MYO16: variants seen among roughly 807,000 people sequenced by gnomAD.
The protein encoded by MYO16 is unconventional myosin-XVI.
MYO16 carries 94 observed loss-of-function variants against 205.3 expected under a neutral mutation model. The observed-to-expected ratio is 0.46, with a 90% confidence interval of 0.39 to 0.54. The LOEUF is 0.54. Ranked by LOEUF, MYO16 falls within the 20% of genes least tolerant of loss-of-function variation. MYO16 has a pLI of 0.00. For synonymous variants in MYO16, 988 were observed against 954.0 expected, an observed-to-expected ratio of 1.04 and a Z score of -0.66; for missense variants, 2,315 against 2,387.5, an observed-to-expected ratio of 0.97 and a Z score of 0.63.
At chr13:109,028,137 A>G (rs1886423836) in intron 23 of MYO16, among the ~76,000 whole-genome samples, 3 of 152,004 alleles carry the variant, frequency 2.0e-5, no homozygotes, top group Admixed American at 2.0e-4. Flanking sequence ...CTCCCATTAT[A>G]TTACAGTATT....
intron 4 of MYO16, among the ~76,000 whole-genome samples, chr13:108,741,269 T>A (rs1884900911): frequency 6.6e-6 from 1 of 152,198 alleles, no homozygotes; most frequent in Non-Finnish European, 1.5e-5. Flanking sequence ...TTTGGCCATC[T>A]TGGAACCACC....
At chr13:109,190,988 G>A (rs1879888185) in intron 34 of MYO16, among the ~76,000 whole-genome samples, 1 of 152,106 alleles carries the variant, frequency 6.6e-6, no homozygotes, top group Admixed American at 6.5e-5. Flanking sequence ...GGAGGCTGAG[G>A]CGGGCGGATC....
intron 14 of MYO16, among the ~76,000 whole-genome samples, chr13:108,897,187 G>A (rs575806452): frequency 1.7e-4 from 26 of 152,212 alleles, no homozygotes; most frequent in African/African-American, 6.3e-4. Context: ...TAACTATCAT[G>A]CAAGAGATAC....
chr13:109,154,733 C>T (rs956308370), intron 32 of MYO16, among the ~76,000 whole-genome samples: 22 of 151,812 alleles, frequency 1.4e-4, no homozygotes, highest in African/African-American at 4.8e-4. Context: ...ACACCGACCG[C>T]GTACTTGGCC....
intron 16 of MYO16, among the ~76,000 whole-genome samples, chr13:108,921,635 T>A (rs946059506): frequency 2.6e-5 from 4 of 152,206 alleles, no homozygotes; most frequent in Admixed American, 6.5e-5. Context: ...AATCGAATCT[T>A]CCATGACTGC....
Position 109,102,464 on chromosome 13 carries a change from A to ATATATG in MYO16, c.3438+1587_3438+1592dup, listed in dbSNP as rs1288572095. Among the ~76,000 whole-genome samples the ATATATG allele has an allele frequency of 1.2e-4, 17 of 143,196 alleles. No homozygotes were observed. The South Asian group carries it at 3.7e-3, about 31-fold the overall frequency. The allele number at this position is 143,196 out of a possible 152,430, so 93.9% of individuals were successfully genotyped here. ...AGACTACTTACAGATAATGATATACATATATGTATATGTATGTGTATATAT... is the reference window on the plus strand; with the variant it reads ...AGACTACTTACAGATAATGATATACATATATGTATATGTATATGTATGTGTATATAT... On this transcript the variant is annotated intron_variant, in intron 28 of 34. Coordinates refer to ENST00000457511, the MANE Select transcript of MYO16 (RefSeq NM_001198950.3).
intron 20 of MYO16, among the ~76,000 whole-genome samples, chr13:108,988,706 C>T (rs1168998513): frequency 6.6e-6 from 1 of 152,154 alleles, no homozygotes; most frequent in Non-Finnish European, 1.5e-5. Flanking sequence ...TGTCACTGAT[C>T]TCTGCTGCTC....
Position 108,820,385 on chromosome 13 carries a change from G to T in MYO16, c.916G>T (p.Val306Leu). Residue 306 changes from valine to leucine, a missense_variant, in exon 8 of 35, where the codon GTG (valine) becomes TTG (leucine). By Grantham distance (32) the Val-to-Leu change is conservative. Coordinates refer to ENST00000457511, the MANE Select transcript of MYO16 (RefSeq NM_001198950.3). ...GATGCATCAGGCAAACCCACACCTCGTGAACTGTAATGAGGAGAAGGCGTC... is the reference window on the plus strand; with the variant it reads ...GATGCATCAGGCAAACCCACACCTCTTGAACTGTAATGAGGAGAAGGCGTC... Reference protein sequence around the residue: ...LLMHQANPHLVNCNEEKASDI... With the variant: ...LLMHQANPHLLNCNEEKASDI... 1.9e-6 allele frequency: 3 copies of T among 1,606,730 alleles called. No individual in the cohort carries two copies. Among genetic ancestry groups the T allele is most frequent in the Non-Finnish European group, 2.6e-6 (3 of 1,176,294 alleles).
At chr13:108,498,214 G>A in the MYO16 span, among the ~76,000 whole-genome samples, 1 of 152,176 alleles carries the variant, frequency 6.6e-6, no homozygotes, top group Non-Finnish European at 1.5e-5. Context: ...AAAAACACAT[G>A]TTCATAGAAC....
chr13:109,092,966 A>G (rs572074796), intron 27 of MYO16, among the ~76,000 whole-genome samples: 11 of 152,310 alleles, frequency 7.2e-5, no homozygotes, highest in African/African-American at 2.6e-4. Context: ...TCCAAAATGA[A>G]GACTATCTAT....
In MYO16 at chr13:108,752,808, AT is replaced by A. The variant is rs58645882; in HGVS notation, c.507+25250del. Reference sequence around the variant, plus strand: ...AGACACCTGCCACCGTGCCCAGCTAATTTTTTTTTTTTTTTTTTTTTTTTTA... The same window carrying A: ...AGACACCTGCCACCGTGCCCAGCTAATTTTTTTTTTTTTTTTTTTTTTTTA... On this transcript the variant is annotated intron_variant, in intron 4 of 34. Transcript: ENST00000457511. 6.4e-4 allele frequency among the ~76,000 whole-genome samples: 58 copies of A among 90,584 alleles called. 2 individuals carry two copies. The East Asian group carries it at 0.012, about 19-fold the overall frequency. 59.4% of individuals were successfully genotyped at this position (90,584 alleles called of 152,430 possible).
chr13:108,644,362 G>GTCTGTCTC (rs1162945930), intron 1 of MYO16, among the ~76,000 whole-genome samples: 8 of 148,118 alleles, frequency 5.4e-5, no homozygotes, highest in African/African-American at 2.0e-4. Flanking sequence ...CTGTCTGTCT[G>GTCTGTCTC]TCTATCTATC....
chr13:108,809,245 T>C (rs1274034725), intron 7 of MYO16, among the ~76,000 whole-genome samples: 1 of 152,216 alleles, frequency 6.6e-6, no homozygotes, highest in Non-Finnish European at 1.5e-5. Context: ...CAAAACCAGC[T>C]ACAAAACATT....
chr13:108,794,765 A>T (rs1403939133), intron 6 of MYO16, among the ~76,000 whole-genome samples: 1 of 152,192 alleles, frequency 6.6e-6, no homozygotes, highest in Non-Finnish European at 1.5e-5. Flanking sequence ...ACCCAGGGGA[A>T]AAAAATTTGA....
At chr13:108,882,947 T>G in intron 12 of MYO16, 112 bp from the exon 13 acceptor site, 1 of 1,377,300 alleles carries the variant, frequency 7.3e-7, no homozygotes, top group Non-Finnish European at 9.8e-7. Context: ...AGATTCAGAA[T>G]TAGGGATTCA....
At chr13:108,552,372 T>A in the MYO16 span, among the ~76,000 whole-genome samples, 1 of 152,286 alleles carries the variant, frequency 6.6e-6, no homozygotes, top group East Asian at 1.9e-4. Context: ...TCTATAAACA[T>A]TTCTCTTTTT....
chr13:108,785,526 C>T, intron 4 of MYO16, 109 bp from the exon 5 acceptor site: 1 of 582,248 alleles, frequency 1.7e-6, no homozygotes, highest in Non-Finnish European at 2.9e-6. Context: ...GTGATATCTA[C>T]CGTAGACTAT....
chr13:108,952,163 C>T (rs900421936), intron 16 of MYO16, among the ~76,000 whole-genome samples: 29 of 149,082 alleles, frequency 1.9e-4, no homozygotes, highest in East Asian at 9.8e-4. Flanking sequence ...ATAAATAAAA[C>T]GATATATAGT....
intron 33 of MYO16, among the ~76,000 whole-genome samples, chr13:109,174,047 AATTC>A (rs903720958): frequency 2.1e-4 from 32 of 151,914 alleles, no homozygotes; most frequent in African/African-American, 7.5e-4. Context: ...GCCAGTTTTG[AATTC>A]ATTCACTACT....
Sources: allele counts gnomAD v4.1 joint callset (sites outside exome capture counted in the v4.1 genomes callset), GRCh38; gene constraint gnomAD v4.1.1; transcripts MANE v1.5; gene names NCBI Gene and HGNC (gene_info 2026-07-23, HGNC 2026-07-21).